The following SLCO1B1 variants were observed in gnomAD, a reference collection of about 807,000 sequenced individuals.
The protein encoded by SLCO1B1 is OATP-2.
Under a neutral mutation model 70.1 loss-of-function variants are expected in SLCO1B1, and 81 were observed. The observed-to-expected ratio is 1.16, with a 90% confidence interval of 0.97 to 1.39. The LOEUF is 1.39. Among genes scored for constraint, SLCO1B1 ranks in the 40% most tolerant of loss-of-function variants. SLCO1B1 has a pLI of 0.00. For missense variants in SLCO1B1, 895 were observed against 799.6 expected (o/e 1.12, Z -1.44); for synonymous variants, 283 against 271.5 (o/e 1.04, Z -0.42).
intron 8 of SLCO1B1, among the ~76,000 whole-genome samples, chr12:21,198,801 T>G (rs1941124651): frequency 6.6e-6 from 1 of 152,150 alleles, no homozygotes; most frequent in South Asian, 2.1e-4. Flanking sequence ...CTTAGTTTAA[T>G]GCCACTTAAG....
chr12:21,210,474 A>G (rs1941269773), intron 11 of SLCO1B1, among the ~76,000 whole-genome samples: 1 of 107,698 alleles, frequency 9.3e-6, no homozygotes, highest in Non-Finnish European at 1.9e-5. Context: ...CTTGTAGTAT[A>G]GTTTGAAGTC....
At chr12:21,163,425 A>C (rs764440369) in intron 2 of SLCO1B1, among the ~76,000 whole-genome samples, 20 of 152,102 alleles carry the variant, frequency 1.3e-4, no homozygotes, top group Non-Finnish European at 2.8e-4. Context: ...GAACACTGTT[A>C]TATTATTTCA....
intron 14 of SLCO1B1, among the ~76,000 whole-genome samples, chr12:21,233,511 T>TAGAG (rs36005374): frequency 0.36 from 52,279 of 146,266 alleles, 9,463 homozygotes; most frequent in East Asian, 0.46. Context: ...TCCTACTAAT[T>TAGAG]AGAGCTAACC....
At chr12:21,162,400 A>G (rs1203622559) in intron 2 of SLCO1B1, among the ~76,000 whole-genome samples, 3 of 152,170 alleles carry the variant, frequency 2.0e-5, no homozygotes, top group African/African-American at 7.2e-5. Flanking sequence ...AAATTTTTCA[A>G]CTTCCTTATT....
At chr12:21,207,659 C>T (rs541784161) in intron 11 of SLCO1B1, among the ~76,000 whole-genome samples, 4 of 152,060 alleles carry the variant, frequency 2.6e-5, no homozygotes, top group South Asian at 2.1e-4. Context: ...GGTATATACC[C>T]GGTAGTGGGA....
Position 21,151,927 on chromosome 12 carries a change from G to A in SLCO1B1, c.84+10269G>A, listed in dbSNP as rs377523564. On this transcript the variant is annotated intron_variant, in intron 2 of 14. Transcript: ENST00000256958. ...GGACTTCCAGGATCTGTGGTTTGTTGTCTGATACTAATTTGGGGAAATTCT... is the reference window on the plus strand; with the variant it reads ...GGACTTCCAGGATCTGTGGTTTGTTATCTGATACTAATTTGGGGAAATTCT... 1.5e-3 allele frequency among the ~76,000 whole-genome samples: 226 copies of A among 151,654 alleles called. 7 individuals are homozygous for A. The South Asian group carries it at 0.045, about 30-fold the overall frequency.
chr12:21,151,271 T>A (rs1940467201), intron 2 of SLCO1B1, among the ~76,000 whole-genome samples: 1 of 152,226 alleles, frequency 6.6e-6, no homozygotes, highest in Non-Finnish European at 1.5e-5. Context: ...TTGACTTAAA[T>A]GTCATTATGA....
intron 2 of SLCO1B1, among the ~76,000 whole-genome samples, chr12:21,171,096 T>C (rs1787853844): frequency 6.6e-6 from 1 of 152,244 alleles, no homozygotes; most frequent in African/African-American, 2.4e-5. Flanking sequence ...AAATGTATTG[T>C]GAGCAGAAAG....
intron 12 of SLCO1B1, among the ~76,000 whole-genome samples, chr12:21,219,917 G>A (rs149495403): frequency 1.1e-4 from 17 of 152,116 alleles, no homozygotes; most frequent in African/African-American, 3.9e-4. Context: ...GCACGCCACC[G>A]TGCCTGACTA....
In SLCO1B1 at chr12:21,200,499, A is replaced by G. The variant is rs770225050; in HGVS notation, c.971-9A>G. On this transcript the variant is annotated splice_polypyrimidine_tract_variant and intron_variant, in intron 8 of 14. Transcript: ENST00000256958. ...TTCAAATATTTTCTTTATTTTTACAATTTTACAGGTTTTTTCCAGTCTTTT... is the reference window on the plus strand; with the variant it reads ...TTCAAATATTTTCTTTATTTTTACAGTTTTACAGGTTTTTTCCAGTCTTTT... 5.8e-6 allele frequency: 9 copies of G among 1,546,552 alleles called. No homozygotes were observed. Among genetic ancestry groups the G allele is most frequent in the Non-Finnish European group, 7.9e-6 (9 of 1,143,328 alleles).
chr12:21,204,519 A>C (rs1019166448), intron 10 of SLCO1B1, among the ~76,000 whole-genome samples: 3 of 135,182 alleles, frequency 2.2e-5, no homozygotes, highest in Non-Finnish European at 4.8e-5. Flanking sequence ...TTTTTTTTCC[A>C]AAAAAAAAAA....
Position 21,217,112 on chromosome 12 carries a change from G to C in SLCO1B1, c.1498-7G>C, listed in dbSNP as rs756064738. On this transcript the variant is annotated splice_polypyrimidine_tract_variant and splice_region_variant and intron_variant, in intron 11 of 14. Transcript: ENST00000256958. ...TCTTATGTCATATTTTATACACAAC[G>C]CTTAAGGTGTTTTACAACTGCAGTT... 1 of 1,611,016 alleles carries C rather than the reference G, an allele frequency of 6.2e-7. No homozygotes were observed. Among genetic ancestry groups the C allele is most frequent in the South Asian group, 1.1e-5 (1 of 91,000 alleles).
At chr12:21,193,707 G>A (rs370049990) in intron 7 of SLCO1B1, among the ~76,000 whole-genome samples, 2 of 152,106 alleles carry the variant, frequency 1.3e-5, no homozygotes, top group South Asian at 2.1e-4. Context: ...TCATATCTGA[G>A]CATTGCATGT....
intron 9 of SLCO1B1, 106 bp downstream of exon 9, chr12:21,200,778 G>T: frequency 1.1e-6 from 1 of 897,286 alleles, no homozygotes; most frequent in Non-Finnish European, 1.7e-6. Context: ...TAGTAATACA[G>T]GATAAGTATA....
chr12:21,202,772 A>ATTT, intron 10 of SLCO1B1, 86 bp downstream of exon 10: 2 of 1,066,816 alleles, frequency 1.9e-6, no homozygotes, highest in Non-Finnish European at 2.7e-6. Context: ...GCAGAAAACA[A>ATTT]TTTTAACTAA....
intron 14 of SLCO1B1, among the ~76,000 whole-genome samples, chr12:21,228,759 A>G (rs1941504220): frequency 6.6e-6 from 1 of 152,178 alleles, no homozygotes; most frequent in African/African-American, 2.4e-5. Flanking sequence ...GGTCCCAGAA[A>G]GGAATACAGC....
chr12:21,142,352 C>T (rs1052085553), intron 2 of SLCO1B1, among the ~76,000 whole-genome samples: 18 of 151,840 alleles, frequency 1.2e-4, no homozygotes, highest in African/African-American at 3.9e-4. Context: ...GAAGCCAAGA[C>T]TCAGAAAAGT....
At chr12:21,177,721 A>T (rs1940839644) in intron 5 of SLCO1B1, among the ~76,000 whole-genome samples, 1 of 152,102 alleles carries the variant, frequency 6.6e-6, no homozygotes, top group Admixed American at 6.6e-5. Context: ...AAAAGGACTT[A>T]TTTACAGTTA....
chr12:21,214,079 A>G (rs374527056), intron 11 of SLCO1B1, among the ~76,000 whole-genome samples: 1 of 152,202 alleles, frequency 6.6e-6, no homozygotes, highest in Non-Finnish European at 1.5e-5. Context: ...GTCATTCTCC[A>G]TCCAGCTTTG....
Sources: gnomAD v4.1 joint callset for allele counts (sites outside exome capture counted in the v4.1 genomes callset) on GRCh38, gnomAD v4.1.1 for gene constraint, MANE v1.5 for transcripts, NCBI Gene and HGNC (gene_info 2026-07-23, HGNC 2026-07-21) for gene names.